The following BCLAF1 variants were observed in gnomAD, a reference collection of about 807,000 sequenced individuals.
The protein encoded by BCLAF1 is bcl-2-associated transcription factor 1.
In BCLAF1, 10 loss-of-function variants were observed where a neutral mutation model predicts 99.5. That is an observed-to-expected ratio of 0.10 (90% CI 0.06 to 0.17). The LOEUF is 0.17. BCLAF1 is among the 10% of genes least tolerant of loss of function. The pLI is 1.00. For synonymous variants in BCLAF1, 255 were observed against 370.9 expected (o/e 0.69, Z 3.59); for missense variants, 636 against 1,105.8 (o/e 0.58, Z 6.02).
In BCLAF1 at chr6:136,278,222, T is replaced by C. The variant is rs1260560873; in HGVS notation, c.659A>G (p.Asp220Gly). Residue 220 changes from aspartate to glycine, a missense_variant, in exon 4 of 13, where the codon GAT becomes GGT. Physicochemically the swap from Asp to Gly is moderately conservative, Grantham distance 94 (BLOSUM62 -1). This residue lies in a region of BCLAF1 where 65 missense variants were observed against 90.9 expected (regional missense o/e 0.71). Transcript: ENST00000531224. ...ACTATGGGGTGATCTAGGACTATTA[T>C]CATAAGCTGAAAGGCCAGGCCAAAT... is the stretch of plus-strand genomic sequence containing the variant. ...GDIWPGLSAY[D>G]NSPRSPHSPS... 3 of 1,614,168 alleles carry C rather than the reference T, an allele frequency of 1.9e-6. No homozygotes were observed. Among genetic ancestry groups the C allele is most frequent in the Middle Eastern group, 1.7e-4 (1 of 6,058 alleles).
chr6:136,269,907 T>C, intron 8 of BCLAF1: 1 of 223,540 alleles, frequency 4.5e-6, no homozygotes, highest in Non-Finnish European at 8.6e-6. Context: ...TTTTGTACAG[T>C]AAATGATACA....
intron 4 of BCLAF1, among the ~76,000 whole-genome samples, chr6:136,277,616 T>G (rs948390009): frequency 6.6e-6 from 1 of 152,168 alleles, no homozygotes; most frequent in African/African-American, 2.4e-5. Flanking sequence ...AGCCTTGAAC[T>G]CCTGGGCTCA....
intron 9 of BCLAF1, chr6:136,268,637 C>A: frequency 3.9e-6 from 1 of 258,570 alleles, no homozygotes; most frequent in Non-Finnish European, 7.5e-6. Context: ...TCTTTTATTA[C>A]TTTAATGAAA....
At chr6:136,277,683 C>G (rs939597088) in intron 4 of BCLAF1, among the ~76,000 whole-genome samples, 182 bp downstream of exon 4, 4 of 152,098 alleles carry the variant, frequency 2.6e-5, no homozygotes, top group African/African-American at 9.7e-5. Context: ...TTTATTAAAA[C>G]ACTTAGCTTC....
At chr6:136,266,251 C>T (rs115533725) in intron 11 of BCLAF1, among the ~76,000 whole-genome samples, 2 of 152,128 alleles carry the variant, frequency 1.3e-5, no homozygotes, top group African/African-American at 4.8e-5. Context: ...TCCTCAAGTC[C>T]AATACAATCT....
intron 9 of BCLAF1, 173 bp from the exon 10 acceptor site, chr6:136,268,512 A>G (rs1420456327): frequency 3.1e-6 from 2 of 636,496 alleles, no homozygotes; most frequent in African/African-American, 3.7e-5. Flanking sequence ...TTCTCCTTCA[A>G]TATGTGTTTT....
At chr6:136,270,519 C>T (rs1782361139) in intron 8 of BCLAF1, 1 of 151,654 alleles carries the variant, frequency 6.6e-6, no homozygotes, top group Non-Finnish European at 1.5e-5. Context: ...ACTGAAAGTA[C>T]GTATCTCCAA....
chr6:136,283,961 T>A (rs567971732), intron 1 of BCLAF1, among the ~76,000 whole-genome samples: 1 of 151,720 alleles, frequency 6.6e-6, no homozygotes, highest in African/African-American at 2.4e-5. Flanking sequence ...GAGAAAAAAA[T>A]GGCAATCTTC....
intron 1 of BCLAF1, among the ~76,000 whole-genome samples, chr6:136,284,692 T>C (rs1784883557): frequency 6.6e-6 from 1 of 152,184 alleles, no homozygotes; most frequent in Non-Finnish European, 1.5e-5. Context: ...ATAAGTGCCT[T>C]ACATGCCAGG....
chr6:136,270,364 A>G (rs1782340571), intron 8 of BCLAF1: 1 of 151,904 alleles, frequency 6.6e-6, no homozygotes, highest in Non-Finnish European at 1.5e-5. Flanking sequence ...TATATAATTT[A>G]GGAAGATGGA....
chr6:136,262,731 A>T lies in BCLAF1; in HGVS notation c.2545-1254T>A, dbSNP rs548146366. 3.3e-5 allele frequency among the ~76,000 whole-genome samples: 5 copies of T among 152,332 alleles called. No homozygotes were observed. In the South Asian group the frequency reaches 1.0e-3, roughly 32 times the overall value. On this transcript the variant is annotated intron_variant, in intron 11 of 12. Coordinates refer to ENST00000531224, the MANE Select transcript of BCLAF1 (RefSeq NM_014739.3). ...CAAACCCAAAATAAACTACTTTAAA[A>T]TAGTCTGCCACTAAAAATAATGCCC...
At chr6:136,283,813 G>A (rs1160244269) in intron 1 of BCLAF1, among the ~76,000 whole-genome samples, 1 of 152,112 alleles carries the variant, frequency 6.6e-6, no homozygotes, top group Non-Finnish European at 1.5e-5. Context: ...AGCCTAGGAA[G>A]GAGGAATCGG....
intron 7 of BCLAF1, among the ~76,000 whole-genome samples, chr6:136,272,878 T>C (rs949016372): frequency 6.6e-6 from 1 of 151,974 alleles, no homozygotes; most frequent in Non-Finnish European, 1.5e-5. Flanking sequence ...AGAGTTAATA[T>C]TTCAAGTTCT....
At chr6:136,269,352 C>G in intron 9 of BCLAF1, 85 bp downstream of exon 9, 3 of 1,576,156 alleles carry the variant, frequency 1.9e-6, no homozygotes, top group Non-Finnish European at 2.6e-6. Flanking sequence ...TTCGATTACA[C>G]AGTCAAAATT....
Position 136,260,215 on chromosome 6 carries a change from T to C in BCLAF1, c.*895A>G, listed in dbSNP as rs1177607226. On this transcript the variant is annotated 3_prime_UTR_variant, in exon 13 of 13. Coordinates refer to ENST00000531224, the MANE Select transcript of BCLAF1 (RefSeq NM_014739.3). ...AATCAGGTACTAATGTATCAACTTA[T>C]TCTGCAGGATAGACCTCCTACATAC... The C allele has an allele frequency of 1.3e-5, 2 of 152,184 alleles. No individual in the cohort carries two copies. Among genetic ancestry groups the C allele is most frequent in the Middle Eastern group, 3.4e-3 (1 of 294 alleles). 9.4% of individuals were successfully genotyped at this position (152,184 alleles called of 1,614,324 possible). A position where few individuals can be genotyped will look rare whatever the true frequency, so the allele number is the denominator to read the frequency against.
At chr6:136,279,562 A>C (rs1357359199) in intron 3 of BCLAF1, 1 of 424,618 alleles carries the variant, frequency 2.4e-6, no homozygotes, top group East Asian at 4.8e-5. Context: ...ACTGGATTTC[A>C]ATCCAAGCTC....
At chr6:136,274,740 A>C (rs1783016071) in intron 6 of BCLAF1, among the ~76,000 whole-genome samples, 1 of 152,094 alleles carries the variant, frequency 6.6e-6, no homozygotes, top group African/African-American at 2.4e-5. Context: ...TTAAACACAG[A>C]AACAAAACAA....
chr6:136,269,634 T>A (rs1782235220), intron 8 of BCLAF1, 22 bp from the exon 9 acceptor site: 2 of 1,551,746 alleles, frequency 1.3e-6, no homozygotes, highest in Non-Finnish European at 1.7e-6. Context: ...AGATATAAAA[T>A]ACAGATTTCA....
rs1780867073 is a variant in BCLAF1 at position 136,260,842 on chromosome 6, CA to C, written c.*267del. 1.5e-5 allele frequency: 7 copies of C among 466,598 alleles called. 1 individual carries two copies. In the East Asian group the frequency reaches 2.4e-4, roughly 16 times the overall value. 28.9% of individuals were successfully genotyped at this position (466,598 alleles called of 1,614,324 possible). On this transcript the variant is annotated 3_prime_UTR_variant, in exon 13 of 13. Coordinates refer to ENST00000531224, the MANE Select transcript of BCLAF1 (RefSeq NM_014739.3). ...ATATCTTATAGACAAAGCAGAATTA[CA>C]ATGCATGTAACAAAAACGTTAAAAG...
Sources: allele counts gnomAD v4.1 joint callset (sites outside exome capture counted in the v4.1 genomes callset), GRCh38; gene constraint gnomAD v4.1.1; regional missense constraint gnomAD v4.1.1; transcripts MANE v1.5; gene names NCBI Gene and HGNC (gene_info 2026-07-23, HGNC 2026-07-21).